Variants in PREX2 observed in about 807,000 individuals in gnomAD.
PREX2 encodes phosphatidylinositol 3,4,5-trisphosphate-dependent Rac exchanger 2 protein.
PREX2 carries 107 observed loss-of-function variants against 203.2 expected under a neutral mutation model. The ratio of observed to expected loss-of-function variants is 0.53; its 90% confidence interval spans 0.45 to 0.62. The LOEUF is 0.62. Among genes scored for constraint, PREX2 ranks in the 20% least tolerant of loss-of-function variants. The probability of loss-of-function intolerance (pLI) is 0.00; values close to 1 mark genes in which losing one functional copy is unlikely to be tolerated. For synonymous variants in PREX2, 672 were observed against 663.6 expected, an observed-to-expected ratio of 1.01 and a Z score of -0.19; for missense variants, 1,777 against 1,955.9, an observed-to-expected ratio of 0.91 and a Z score of 1.72.
chr8:68,047,814 A>G (rs1380434465), intron 8 of PREX2, among the ~76,000 whole-genome samples: 1 of 151,944 alleles, frequency 6.6e-6, no homozygotes, highest in African/African-American at 2.4e-5. Flanking sequence ...CTATCAGATG[A>G]CTAATTTCAT....
chr8:68,058,255 A>G (rs1048251838), intron 10 of PREX2, among the ~76,000 whole-genome samples: 4 of 152,082 alleles, frequency 2.6e-5, no homozygotes, highest in African/African-American at 4.8e-5. Flanking sequence ...CCTCATTGTA[A>G]TATGACATTT....
At chr8:68,067,904 G>A (rs941594519) in intron 11 of PREX2, among the ~76,000 whole-genome samples, 1 of 152,002 alleles carries the variant, frequency 6.6e-6, no homozygotes, top group African/African-American at 2.4e-5. Flanking sequence ...CAAATTTGTT[G>A]AGAGCTTTCA....
chr8:67,975,764 C>G (rs938381135), intron 1 of PREX2, among the ~76,000 whole-genome samples: 1 of 120,126 alleles, frequency 8.3e-6, no homozygotes, highest in Non-Finnish European at 1.6e-5. Context: ...AGTGCAGTGG[C>G]ACAATCTCAG....
At chr8:68,150,679 G>A (rs542402634) in intron 34 of PREX2, among the ~76,000 whole-genome samples, 45 of 152,234 alleles carry the variant, frequency 3.0e-4, no homozygotes, top group African/African-American at 1.0e-3. Flanking sequence ...CTTGGCTGTG[G>A]GTGCCTTGGA....
chr8:68,068,870 C>T (rs1218326971), intron 11 of PREX2, among the ~76,000 whole-genome samples, 163 bp from the exon 12 acceptor site: 1 of 151,828 alleles, frequency 6.6e-6, no homozygotes, highest in East Asian at 1.9e-4. Flanking sequence ...ATGAATCTTG[C>T]TGTTAAAATA....
At chr8:68,155,458 T>G (rs1218748471) in intron 34 of PREX2, among the ~76,000 whole-genome samples, 1 of 152,168 alleles carries the variant, frequency 6.6e-6, no homozygotes. Context: ...TTTTCTTCAG[T>G]GTTCTGGAAT....
chr8:68,010,276 T>C (rs1275955465), intron 1 of PREX2, among the ~76,000 whole-genome samples: 2 of 152,126 alleles, frequency 1.3e-5, no homozygotes, highest in Admixed American at 6.5e-5. Context: ...AGTTAAAAAA[T>C]AAACAGAATT....
At chr8:68,164,422 G>C (rs1190905975) in intron 35 of PREX2, among the ~76,000 whole-genome samples, 1 of 151,510 alleles carries the variant, frequency 6.6e-6, no homozygotes, top group Admixed American at 6.6e-5. Flanking sequence ...TGTATATAAT[G>C]TGTTTGTGTG....
At chr8:68,186,268 G>A (rs2129614527) in intron 35 of PREX2, among the ~76,000 whole-genome samples, 1 of 152,098 alleles carries the variant, frequency 6.6e-6, no homozygotes, top group Non-Finnish European at 1.5e-5. Flanking sequence ...TTTATTTTCT[G>A]GTTATTTCTC....
At chr8:67,993,732 A>G (rs1334626313) in intron 1 of PREX2, among the ~76,000 whole-genome samples, 2 of 152,094 alleles carry the variant, frequency 1.3e-5, no homozygotes, top group African/African-American at 4.8e-5. Flanking sequence ...CAGTCCATTA[A>G]CTATTTATTG....
At chr8:68,136,556 T>G (rs1308488085) in intron 32 of PREX2, among the ~76,000 whole-genome samples, 1 of 152,324 alleles carries the variant, frequency 6.6e-6, no homozygotes, top group African/African-American at 2.4e-5. Context: ...GGCCACACTG[T>G]CTGGAACATT....
chr8:68,191,620 T>A, intron 35 of PREX2, 102 bp from the exon 36 acceptor site: 1 of 802,394 alleles, frequency 1.2e-6, no homozygotes, highest in Non-Finnish European at 2.1e-6. Context: ...CTTTTGTTTA[T>A]TCACTTGTTT....
intron 1 of PREX2, among the ~76,000 whole-genome samples, chr8:67,955,400 G>C (rs577737055): frequency 6.8e-4 from 104 of 152,256 alleles, no homozygotes; most frequent in African/African-American, 2.3e-3. Context: ...ACAAAGCTCT[G>C]TGTCTTCAGC....
chr8:68,094,779 A>C (rs1426789267), intron 21 of PREX2, among the ~76,000 whole-genome samples: 1 of 152,174 alleles, frequency 6.6e-6, no homozygotes, highest in East Asian at 1.9e-4. Context: ...GGTGTCCTAC[A>C]ATTCAATTTA....
chr8:68,170,086 A>C (rs2129614199), intron 35 of PREX2, among the ~76,000 whole-genome samples: 1 of 152,312 alleles, frequency 6.6e-6, no homozygotes, highest in South Asian at 2.1e-4. Context: ...ATCTTGGGTA[A>C]GATCTTCCCA....
At chr8:67,992,673 C>T (rs1006299730) in intron 1 of PREX2, among the ~76,000 whole-genome samples, 21 of 152,182 alleles carry the variant, frequency 1.4e-4, no homozygotes, top group Admixed American at 3.3e-4. Flanking sequence ...TTGTCAATGG[C>T]ACTATGACTG....
intron 37 of PREX2, among the ~76,000 whole-genome samples, chr8:68,200,721 A>G (rs181981924): frequency 2.3e-4 from 35 of 152,250 alleles, no homozygotes; most frequent in Admixed American, 1.9e-3. Context: ...AAGGATTAAT[A>G]AATCAGTATA....
At chr8:68,129,908 TTC>T (rs1810969072) in intron 31 of PREX2, among the ~76,000 whole-genome samples, 2 of 150,820 alleles carry the variant, frequency 1.3e-5, no homozygotes, top group Admixed American at 6.6e-5. Flanking sequence ...AACCCTCAAA[TTC>T]TCTGTTTTTC....
At chr8:68,049,247 A>G (rs1397032936) in intron 8 of PREX2, among the ~76,000 whole-genome samples, 1 of 151,718 alleles carries the variant, frequency 6.6e-6, no homozygotes, top group Admixed American at 6.6e-5. Flanking sequence ...ATATTTATGA[A>G]GAAATTATAA....
Sources: allele counts gnomAD v4.1 joint callset (sites outside exome capture counted in the v4.1 genomes callset), GRCh38; gene constraint gnomAD v4.1.1; transcripts MANE v1.5; gene names NCBI Gene and HGNC (gene_info 2026-07-23, HGNC 2026-07-21).